FRY: variants seen among roughly 807,000 people sequenced by gnomAD.
The protein encoded by FRY is FRY microtubule binding protein, also known as protein furry homolog.
A neutral mutation model predicts 348.4 loss-of-function variants in FRY; 128 were observed. That is an observed-to-expected ratio of 0.37 (90% CI 0.32 to 0.43). The LOEUF (loss-of-function observed/expected upper bound fraction) is 0.43, where lower values mean the gene tolerates loss of function less well. FRY is among the 20% of genes least tolerant of loss of function. The pLI is 1.00. For synonymous variants in FRY, 1,370 were observed against 1,374.7 expected (o/e 1.00, Z 0.08); for missense variants, 2,736 against 3,695.2 (o/e 0.74, Z 6.73).
intron 57 of FRY, among the ~76,000 whole-genome samples, chr13:32,277,074 G>A (rs1193636161): frequency 4.6e-5 from 7 of 152,174 alleles, no homozygotes; most frequent in Non-Finnish European, 1.0e-4. Context: ...AACCATCCAA[G>A]CAAGCCACCT....
chr13:32,281,920 A>G (rs1005276796), intron 58 of FRY, among the ~76,000 whole-genome samples: 1 of 152,154 alleles, frequency 6.6e-6, no homozygotes, highest in Non-Finnish European at 1.5e-5. Flanking sequence ...CACACTTTCT[A>G]ATGCCACCAG....
chr13:32,176,316 G>A (rs990259290), intron 20 of FRY, among the ~76,000 whole-genome samples: 8 of 152,174 alleles, frequency 5.3e-5, no homozygotes. Flanking sequence ...ATTAATTTGG[G>A]CTAAATAGCT....
intron 36 of FRY, among the ~76,000 whole-genome samples, chr13:32,220,945 A>C (rs1280059830): frequency 9.9e-5 from 15 of 152,240 alleles, no homozygotes; most frequent in Non-Finnish European, 7.3e-5. Flanking sequence ...GAGATGAGTT[A>C]CTAGTGCATC....
intron 40 of FRY, among the ~76,000 whole-genome samples, chr13:32,230,461 C>G (rs554690165): frequency 6.6e-6 from 1 of 152,248 alleles, no homozygotes; most frequent in South Asian, 2.1e-4. Context: ...AGGTGATAGC[C>G]TCTAGCTCCA....
intron 41 of FRY, among the ~76,000 whole-genome samples, chr13:32,232,944 G>T (rs1223875693): frequency 6.6e-6 from 1 of 151,888 alleles, no homozygotes; most frequent in East Asian, 1.9e-4. Flanking sequence ...ATTTGCCAGG[G>T]TACCTAATCT....
chr13:32,258,440 C>T (rs554868041), intron 51 of FRY, among the ~76,000 whole-genome samples: 18 of 152,112 alleles, frequency 1.2e-4, no homozygotes, highest in Non-Finnish European at 2.6e-4. Flanking sequence ...TGGCGAAACC[C>T]TGTCTCTACT....
rs981680505 is a variant in FRY, at chr13:32,297,173, AG to A, written c.*1715del. 6.6e-6 allele frequency: 1 copy of A among 152,242 alleles called. No individual in the cohort carries two copies. Among genetic ancestry groups the A allele is most frequent in the Non-Finnish European group, 1.5e-5 (1 of 68,042 alleles). 9.4% of individuals were successfully genotyped at this position (152,242 alleles called of 1,614,324 possible). A position where few individuals can be genotyped will look rare whatever the true frequency, so the allele number is the denominator to read the frequency against. ...TATTCTATAGAAGAGAGCCTAACCT[AG>A]GATTTTTTTTAAATCCTAGTAGTTG... is the stretch of plus-strand genomic sequence containing the variant. On this transcript the variant is annotated 3_prime_UTR_variant, in exon 61 of 61. Coordinates refer to ENST00000542859, the MANE Select transcript of FRY (RefSeq NM_023037.3).
chr13:32,291,401 T>TTTTTC (rs1491470716), intron 59 of FRY, among the ~76,000 whole-genome samples: 20 of 125,166 alleles, frequency 1.6e-4, no homozygotes, highest in Non-Finnish European at 2.9e-4. Context: ...TTTCTTTTTC[T>TTTTTC]TTTTTTTTTT....
intron 16 of FRY, among the ~76,000 whole-genome samples, chr13:32,159,386 G>A (rs974876049): frequency 2.0e-5 from 3 of 152,266 alleles, no homozygotes; most frequent in South Asian, 4.1e-4. Flanking sequence ...CCTACGCAGG[G>A]TAAGAACTTG....
chr13:32,214,547 T>A (rs1051245133), intron 35 of FRY, among the ~76,000 whole-genome samples: 4 of 152,212 alleles, frequency 2.6e-5, no homozygotes, highest in African/African-American at 7.2e-5. Context: ...GACACCCGCG[T>A]CTTACACATA....
intron 11 of FRY, among the ~76,000 whole-genome samples, chr13:32,144,246 T>C (rs1413450288): frequency 2.7e-5 from 4 of 150,356 alleles, no homozygotes; most frequent in Non-Finnish European, 5.9e-5. Flanking sequence ...TACATAAATG[T>C]GTGCTTCTAA....
chr13:32,134,889 T>C lies in FRY; in HGVS notation c.886-15T>C, dbSNP rs747052050. 1.9e-6 allele frequency: 3 copies of C among 1,549,774 alleles called. No homozygotes were observed. Among genetic ancestry groups the C allele is most frequent in the Non-Finnish European group, 2.7e-6 (3 of 1,121,450 alleles). ...AACCTACTCTCCCTCCCTATACTCT[T>C]TTTCTGCTTCCCAGGAATGTGCACA... On this transcript the variant is annotated splice_polypyrimidine_tract_variant and intron_variant, in intron 8 of 60. Coordinates refer to ENST00000542859, the MANE Select transcript of FRY (RefSeq NM_023037.3).
chr13:32,211,080 T>A (rs1290939237), intron 34 of FRY, 46 bp downstream of exon 34: 2 of 1,559,344 alleles, frequency 1.3e-6, no homozygotes, highest in African/African-American at 1.4e-5. Flanking sequence ...ATCCCTGGGG[T>A]TTCCTTCATG....
intron 49 of FRY, among the ~76,000 whole-genome samples, chr13:32,251,426 G>A (rs1289596636): frequency 1.3e-5 from 2 of 152,134 alleles, no homozygotes; most frequent in Non-Finnish European, 2.9e-5. Context: ...TGTAAGGAAA[G>A]CCTTGCTAAT....
chr13:32,069,349 C>T (rs562114138), intron 1 of FRY, among the ~76,000 whole-genome samples: 1 of 152,266 alleles, frequency 6.6e-6, no homozygotes, highest in East Asian at 1.9e-4. Context: ...TTAGTCTTTC[C>T]GGAAAGTATA....
intron 29 of FRY, among the ~76,000 whole-genome samples, chr13:32,195,590 T>C (rs555126478): frequency 1.3e-5 from 2 of 152,318 alleles, no homozygotes; most frequent in African/African-American, 4.8e-5. Flanking sequence ...ATTTATTGCA[T>C]TGCATGGACA....
chr13:32,177,351 G>A (rs895886646), intron 20 of FRY, among the ~76,000 whole-genome samples: 3 of 152,114 alleles, frequency 2.0e-5, no homozygotes, highest in Admixed American at 6.5e-5. Flanking sequence ...CACTTTGGGA[G>A]GCCAAAGAAG....
intron 36 of FRY, among the ~76,000 whole-genome samples, chr13:32,221,498 G>A (rs1885311886): frequency 6.6e-6 from 1 of 152,150 alleles, no homozygotes; most frequent in Non-Finnish European, 1.5e-5. Flanking sequence ...AAGTGTTGCT[G>A]TACTTATTTT....
intron 51 of FRY, among the ~76,000 whole-genome samples, chr13:32,257,188 G>A (rs1426323348): frequency 6.6e-6 from 1 of 152,194 alleles, no homozygotes; most frequent in African/African-American, 2.4e-5. Context: ...CTACCTGCCT[G>A]TAGAGCTGAC....
Sources: gnomAD v4.1 joint callset for allele counts (sites outside exome capture counted in the v4.1 genomes callset) on GRCh38, gnomAD v4.1.1 for gene constraint, MANE v1.5 for transcripts, NCBI Gene and HGNC (gene_info 2026-07-23, HGNC 2026-07-21) for gene names.